Variants in ERBB4 observed in about 807,000 individuals in gnomAD.
The protein encoded by ERBB4 is receptor tyrosine-protein kinase erbB-4.
In ERBB4, 42 loss-of-function variants were observed where a neutral mutation model predicts 158.0. The observed-to-expected ratio is 0.27, with a 90% CI of 0.21 to 0.34. The LOEUF (loss-of-function observed/expected upper bound fraction) is 0.34. Ranked by LOEUF, ERBB4 falls within the 10% of genes least tolerant of loss-of-function variation. ERBB4 has a pLI of 1.00. For missense variants in ERBB4, 1,333 were observed against 1,624.1 expected, an observed-to-expected ratio of 0.82 and a Z score of 3.08; for synonymous variants, 583 against 558.7, an observed-to-expected ratio of 1.04 and a Z score of -0.61.
At chr2:211,745,446 G>A (rs1470809349) in intron 5 of ERBB4, among the ~76,000 whole-genome samples, 1 of 152,058 alleles carries the variant, frequency 6.6e-6, no homozygotes, top group Non-Finnish European at 1.5e-5. Flanking sequence ...GTCAAGGACA[G>A]GCAGCCTCCA....
intron 2 of ERBB4, among the ~76,000 whole-genome samples, chr2:212,027,351 G>A (rs994340115): frequency 2.0e-5 from 3 of 151,994 alleles, no homozygotes; most frequent in African/African-American, 4.8e-5. Flanking sequence ...AAAATCAAAG[G>A]TGCATAAGTC....
intron 19 of ERBB4, among the ~76,000 whole-genome samples, chr2:211,564,154 C>T (rs2067483946): frequency 6.6e-6 from 1 of 152,116 alleles, no homozygotes; most frequent in Non-Finnish European, 1.5e-5. Context: ...TAGGAAGTGG[C>T]TTATCAGTGT....
Position 212,277,755 on chromosome 2 carries a change from A to T in ERBB4, c.83-152852T>A, listed in dbSNP as rs190312092. Among the ~76,000 whole-genome samples, 6 of 151,824 alleles carry T rather than the reference A, an allele frequency of 4.0e-5. No individual in the cohort carries two copies. The East Asian group carries it at 1.2e-3, about 30-fold the overall frequency. On this transcript the variant is annotated intron_variant, in intron 1 of 27. Transcript: ENST00000342788. ...GATTCCCTTTCTTGTTCATCTTTATATGCTGACACAGATTCATTATTAGAA... is the reference window on the plus strand; with the variant it reads ...GATTCCCTTTCTTGTTCATCTTTATTTGCTGACACAGATTCATTATTAGAA...
chr2:212,466,257 C>T (rs929122449), intron 1 of ERBB4, among the ~76,000 whole-genome samples: 6 of 152,168 alleles, frequency 3.9e-5, no homozygotes, highest in South Asian at 2.1e-4. Context: ...TCCACTTATA[C>T]GTGGATTCTC....
chr2:211,771,103 T>C (rs1047384484), intron 4 of ERBB4, among the ~76,000 whole-genome samples: 2 of 152,216 alleles, frequency 1.3e-5, no homozygotes. Flanking sequence ...CACCTCTTCC[T>C]AGAATCAATA....
chr2:211,698,949 A>G (rs1161282103), intron 12 of ERBB4, among the ~76,000 whole-genome samples: 1 of 152,222 alleles, frequency 6.6e-6, no homozygotes, highest in Non-Finnish European at 1.5e-5. Flanking sequence ...TCTTCAAACC[A>G]TAAAGTCAGC....
chr2:211,533,171 ACTT>A (rs963284604), intron 20 of ERBB4, among the ~76,000 whole-genome samples: 3 of 151,854 alleles, frequency 2.0e-5, no homozygotes, highest in Non-Finnish European at 4.4e-5. Flanking sequence ...ATGTAGGTAG[ACTT>A]CATTTTTTAA....
chr2:212,438,399 CAAAT>C (rs2092183956), intron 1 of ERBB4, among the ~76,000 whole-genome samples: 1 of 152,162 alleles, frequency 6.6e-6, no homozygotes, highest in African/African-American at 2.4e-5. Context: ...TCCTGGTGAA[CAAAT>C]ATCGATCATT....
intron 25 of ERBB4, among the ~76,000 whole-genome samples, chr2:211,393,051 CTA>C (rs2062835946): frequency 6.6e-6 from 1 of 152,160 alleles, no homozygotes; most frequent in Non-Finnish European, 1.5e-5. Context: ...CAAATGGAAA[CTA>C]TGAGTGGTAT....
chr2:211,772,838 CATATATATATATATATATAT>C, intron 4 of ERBB4, among the ~76,000 whole-genome samples: 1 of 18,308 alleles, frequency 5.5e-5, no homozygotes, highest in East Asian at 8.3e-4. Flanking sequence ...TATATATACA[CATATATATATATATATATAT>C]ATATATATAT....
At chr2:212,302,527 T>A (rs1425020755) in intron 1 of ERBB4, among the ~76,000 whole-genome samples, 1 of 151,486 alleles carries the variant, frequency 6.6e-6, no homozygotes, top group African/African-American at 2.4e-5. Flanking sequence ...GTCCATTTTA[T>A]TACCTCATAT....
intron 1 of ERBB4, among the ~76,000 whole-genome samples, chr2:212,169,809 C>G (rs567691932): frequency 6.6e-6 from 1 of 152,128 alleles, no homozygotes; most frequent in Non-Finnish European, 1.5e-5. Context: ...ATGGTTTCTC[C>G]TTCACACAGC....
intron 3 of ERBB4, among the ~76,000 whole-genome samples, chr2:211,943,370 A>G (rs2080559792): frequency 6.6e-6 from 1 of 152,156 alleles, no homozygotes; most frequent in African/African-American, 2.4e-5. Flanking sequence ...TCAGCAGGAC[A>G]TCCTCATCAA....
chr2:211,541,545 A>G (rs2066809903), intron 20 of ERBB4, among the ~76,000 whole-genome samples: 1 of 152,012 alleles, frequency 6.6e-6, no homozygotes, highest in South Asian at 2.1e-4. Flanking sequence ...TTAAATGACT[A>G]CCAAAGCTCA....
At position 212,079,369 on chromosome 2, in the gene ERBB4, C is replaced by T. The variant is rs566395426; in HGVS notation, c.234+45383G>A. Among the ~76,000 whole-genome samples, 4 of 152,052 alleles carry T rather than the reference C, an allele frequency of 2.6e-5. No individual in the cohort carries two copies. In the East Asian group the frequency reaches 5.8e-4, roughly 22 times the overall value. ...AGCAAACCCAATGAATTCACGATAG[C>T]TAAAACAAAAGAACAAATATATATC... On this transcript the variant is annotated intron_variant, in intron 2 of 27. Coordinates refer to ENST00000342788, the MANE Select transcript of ERBB4 (RefSeq NM_005235.3).
intron 1 of ERBB4, among the ~76,000 whole-genome samples, chr2:212,533,013 C>T (rs1228383553): frequency 6.6e-6 from 1 of 152,110 alleles, no homozygotes; most frequent in Non-Finnish European, 1.5e-5. Context: ...GGCCTTAAAT[C>T]TTGATTACAG....
At chr2:212,108,921 A>G (rs923382766) in intron 2 of ERBB4, among the ~76,000 whole-genome samples, 2 of 152,078 alleles carry the variant, frequency 1.3e-5, no homozygotes, top group South Asian at 2.1e-4. Context: ...AGGAGAGTAC[A>G]GGATAGCAGG....
chr2:211,673,057 G>T, intron 14 of ERBB4, 107 bp downstream of exon 14: 1 of 882,308 alleles, frequency 1.1e-6, no homozygotes. Flanking sequence ...TTTCCCCATG[G>T]CATCCTGTAA....
intron 2 of ERBB4, among the ~76,000 whole-genome samples, chr2:211,950,250 A>T (rs1047029201): frequency 6.6e-6 from 1 of 152,184 alleles, no homozygotes; most frequent in African/African-American, 2.4e-5. Flanking sequence ...TTAGGAAGGA[A>T]TAGGTGGTCC....
Sources: allele counts gnomAD v4.1 joint callset (sites outside exome capture counted in the v4.1 genomes callset), GRCh38; gene constraint gnomAD v4.1.1; transcripts MANE v1.5; gene names NCBI Gene and HGNC (gene_info 2026-07-23, HGNC 2026-07-21).